The following RIMS2 variants were observed in gnomAD, a reference collection of about 807,000 sequenced individuals.
RIMS2 encodes regulating synaptic membrane exocytosis 2, also known as regulating synaptic membrane exocytosis protein 2.
RIMS2 carries 59 observed loss-of-function variants against 174.4 expected under a neutral mutation model. The observed-to-expected ratio is 0.34, with a 90% CI of 0.27 to 0.42. The LOEUF is 0.42. Ranked by LOEUF, RIMS2 falls within the 10% of genes least tolerant of loss-of-function variation. The pLI, the probability that RIMS2 is intolerant of heterozygous loss-of-function variation, is 1.00. For synonymous variants in RIMS2, 606 were observed against 572.5 expected (o/e 1.06, Z -0.84); for missense variants, 1,620 against 1,666.3 (o/e 0.97, Z 0.48).
chr8:103,878,892 T>C (rs2099154643), intron 3 of RIMS2, among the ~76,000 whole-genome samples: 1 of 151,544 alleles, frequency 6.6e-6, no homozygotes, highest in South Asian at 2.1e-4. Flanking sequence ...ATTCACAGAA[T>C]CTTTTTGTTG....
chr8:104,115,112 C>A lies in RIMS2; in HGVS notation c.3334+100497C>A, dbSNP rs559923113. ...CAGTTTGCATTCAATTTATTATAAA[C>A]CCTAAAATGAAATGTTAATAATGTT... is the stretch of plus-strand genomic sequence containing the variant. On this transcript the variant is annotated intron_variant, in intron 19 of 23. Transcript: ENST00000504942. 3.3e-5 allele frequency among the ~76,000 whole-genome samples: 5 copies of A among 152,100 alleles called. No individual in the cohort carries two copies. The South Asian group carries it at 8.3e-4, about 25-fold the overall frequency.
chr8:103,744,199 C>A (rs762297373), intron 2 of RIMS2, among the ~76,000 whole-genome samples: 2 of 152,092 alleles, frequency 1.3e-5, no homozygotes, highest in Non-Finnish European at 2.9e-5. Flanking sequence ...GCATGCGCCA[C>A]CACGCCTAGC....
chr8:103,559,774 C>G (rs563107200), intron 1 of RIMS2, among the ~76,000 whole-genome samples: 1 of 152,118 alleles, frequency 6.6e-6, no homozygotes, highest in Non-Finnish European at 1.5e-5. Context: ...GTTAGCCTGC[C>G]GTGGTTTCAG....
chr8:104,238,308 G>A (rs1179882815), intron 19 of RIMS2, among the ~76,000 whole-genome samples: 1 of 152,034 alleles, frequency 6.6e-6, no homozygotes, highest in African/African-American at 2.4e-5. Flanking sequence ...AGGGGTAGGG[G>A]GCAAGGGGAG....
intron 19 of RIMS2, among the ~76,000 whole-genome samples, chr8:104,070,731 A>G (rs186870877): frequency 8.8e-4 from 134 of 152,318 alleles, no homozygotes; most frequent in African/African-American, 3.1e-3. Context: ...TTTATATTTT[A>G]CTATACTTCA....
At chr8:103,648,529 T>C (rs1490984474) in intron 1 of RIMS2, among the ~76,000 whole-genome samples, 3 of 152,164 alleles carry the variant, frequency 2.0e-5, no homozygotes, top group Non-Finnish European at 4.4e-5. Context: ...CTGTCTCATA[T>C]TGACAGTGGG....
rs181853694 is a variant in RIMS2, at chr8:103,741,743, C to T, written c.388-24484C>T. 3.9e-5 allele frequency among the ~76,000 whole-genome samples: 6 copies of T among 152,210 alleles called. No individual in the cohort carries two copies. In the East Asian group the frequency reaches 1.2e-3, roughly 29 times the overall value. The stretch of plus-strand genomic sequence containing the variant: ...TTGATAAAGTTATTTTGCCTTTTCA[C>T]ATGCTTTAAGTTATTTTTATAAGTA... On this transcript the variant is annotated intron_variant, in intron 2 of 23. Coordinates refer to ENST00000504942, the Ensembl canonical transcript of RIMS2.
In RIMS2 at chr8:104,194,347, T is replaced by C. The variant is rs142507099; in HGVS notation, c.3335-50569T>C. ...AAATATTATTGGGCATTATTTACTTTCTGTGCTCTTATAGTGTTTCAAAAT... is the reference window on the plus strand; with the variant it reads ...AAATATTATTGGGCATTATTTACTTCCTGTGCTCTTATAGTGTTTCAAAAT... On this transcript the variant is annotated intron_variant, in intron 19 of 23. Transcript: ENST00000504942. Among the ~76,000 whole-genome samples, 1,347 of 152,300 alleles carry C rather than the reference T, an allele frequency of 8.8e-3. 22 individuals carry two copies. Among genetic ancestry groups the C allele is most frequent in the African/African-American group, 0.03 (1,263 of 41,564 alleles).
At chr8:103,928,755 A>T (rs2154531179) in intron 11 of RIMS2, among the ~76,000 whole-genome samples, 1 of 151,536 alleles carries the variant, frequency 6.6e-6, no homozygotes, top group East Asian at 1.9e-4. Flanking sequence ...TACATGCTAA[A>T]GCCAGAATGA....
chr8:104,026,302 G>A (rs1296672196), intron 19 of RIMS2, among the ~76,000 whole-genome samples: 2 of 152,078 alleles, frequency 1.3e-5, no homozygotes, highest in African/African-American at 4.8e-5. Context: ...TAATCCATTA[G>A]GATTTAACAA....
At chr8:104,230,908 A>G (rs1423238288) in intron 19 of RIMS2, among the ~76,000 whole-genome samples, 1 of 152,172 alleles carries the variant, frequency 6.6e-6, no homozygotes, top group Non-Finnish European at 1.5e-5. Context: ...TTCCTGAAGG[A>G]AAGCTATAAA....
chr8:103,876,870 A>ATATATATTTT (rs2099141408), intron 3 of RIMS2, among the ~76,000 whole-genome samples: 1 of 19,746 alleles, frequency 5.1e-5, no homozygotes, highest in Non-Finnish European at 1.0e-4. Context: ...TATTTTATAT[A>ATATATATTTT]TATATATATA....
intron 4 of RIMS2, among the ~76,000 whole-genome samples, chr8:103,909,978 A>G (rs968708880): frequency 6.7e-6 from 1 of 148,436 alleles, no homozygotes; most frequent in Non-Finnish European, 1.5e-5. Flanking sequence ...TTTGGCATAT[A>G]TATAGCACTC....
At chr8:104,032,446 T>C (rs2096415304) in intron 19 of RIMS2, among the ~76,000 whole-genome samples, 1 of 152,024 alleles carries the variant, frequency 6.6e-6, no homozygotes, top group Non-Finnish European at 1.5e-5. Context: ...AAATCAGACC[T>C]TGGCAATGAC....
chr8:103,694,404 G>A (rs1206953607), intron 1 of RIMS2, among the ~76,000 whole-genome samples: 1 of 152,040 alleles, frequency 6.6e-6, no homozygotes, highest in Non-Finnish European at 1.5e-5. Context: ...GGGTCTTTGT[G>A]TGATGGCTTG....
intron 2 of RIMS2, among the ~76,000 whole-genome samples, chr8:103,711,966 C>T (rs1429733470): frequency 6.6e-6 from 1 of 151,518 alleles, no homozygotes; most frequent in Non-Finnish European, 1.5e-5. Flanking sequence ...GAAAATGCAT[C>T]CTAACCATTT....
chr8:104,002,025 A>G (rs2095410818), intron 17 of RIMS2, among the ~76,000 whole-genome samples: 1 of 151,878 alleles, frequency 6.6e-6, no homozygotes, highest in Non-Finnish European at 1.5e-5. Flanking sequence ...GCACCCACTC[A>G]CTTCCTTAAC....
At chr8:104,096,213 C>G (rs1424452987) in intron 19 of RIMS2, among the ~76,000 whole-genome samples, 1 of 152,110 alleles carries the variant, frequency 6.6e-6, no homozygotes, top group Admixed American at 6.5e-5. Flanking sequence ...GAATGAGTCT[C>G]TAATGTGTTT....
At chr8:103,584,561 G>C (rs2093799869) in intron 1 of RIMS2, among the ~76,000 whole-genome samples, 1 of 152,058 alleles carries the variant, frequency 6.6e-6, no homozygotes, top group African/African-American at 2.4e-5. Flanking sequence ...AATTATTTAT[G>C]AAAAAAGAAA....
Sources: gnomAD v4.1 joint callset for allele counts (sites outside exome capture counted in the v4.1 genomes callset) on GRCh38, gnomAD v4.1.1 for gene constraint, MANE v1.5 for transcripts, NCBI Gene and HGNC (gene_info 2026-07-23, HGNC 2026-07-21) for gene names.